The following PPP1R1C variants were observed in gnomAD, a reference collection of about 807,000 sequenced individuals.
The protein encoded by PPP1R1C is protein phosphatase 1 regulatory subunit 1C.
PPP1R1C carries 15 observed loss-of-function variants against 17.4 expected under a neutral mutation model. The ratio of observed to expected loss-of-function variants is 0.86; its 90% CI spans 0.58 to 1.33. The LOEUF is 1.33. Ranked by LOEUF, PPP1R1C falls within the 40% of genes most tolerant of loss-of-function variation. PPP1R1C has a pLI of 0.00. For synonymous variants in PPP1R1C, 35 were observed against 43.1 expected (o/e 0.81, Z 0.73); for missense variants, 143 against 130.0 (o/e 1.10, Z -0.48).
chr2:182,009,570 G>A (rs1210778447), intron 2 of PPP1R1C, among the ~76,000 whole-genome samples: 3 of 152,026 alleles, frequency 2.0e-5, no homozygotes, highest in African/African-American at 7.2e-5. Flanking sequence ...CTCCCATTCG[G>A]TGGGGGTGTC....
intron 4 of PPP1R1C, among the ~76,000 whole-genome samples, chr2:182,105,197 A>C (rs536032787): frequency 6.6e-6 from 1 of 152,168 alleles, no homozygotes; most frequent in Non-Finnish European, 1.5e-5. Context: ...TTGCTTTACT[A>C]TGTAAAATCA....
intron 4 of PPP1R1C, among the ~76,000 whole-genome samples, chr2:182,092,745 A>G (rs1688818331): frequency 6.6e-6 from 1 of 152,208 alleles, no homozygotes; most frequent in South Asian, 2.1e-4. Context: ...TTAAAGCTCC[A>G]AAGTGATCTC....
chr2:182,059,537 T>G (rs16822458), intron 2 of PPP1R1C, among the ~76,000 whole-genome samples: 7,017 of 152,166 alleles, frequency 0.046, 547 homozygotes, highest in African/African-American at 0.16. Context: ...ATGTTTTTGT[T>G]TAAAGAGCTG....
Position 181,961,677 on chromosome 2 carries a change from G to T in PPP1R1C, n.111+7043G>T. On this transcript the variant is annotated intron_variant and non_coding_transcript_variant, in intron 1 of 5. Transcript: ENST00000464264. This position sits in a 1 kb window ranked among gnomAD's most constrained non-coding sequence, Gnocchi z 5.8. ...TCTCAATCTGCTGAGACCAGCACTT[G>T]TCCAGCTCCTCTCAGTTCTTTCGAG... is the stretch of plus-strand genomic sequence containing the variant. The T allele has an allele frequency of 7.9e-6, 6 of 764,326 alleles. No individual in the cohort carries two copies. In the South Asian group the frequency reaches 8.3e-5, roughly 11 times the overall value. The allele number at this position is 764,326 out of a possible 1,614,324, so 47.3% of individuals were successfully genotyped here. A position where few individuals can be genotyped will look rare whatever the true frequency, so the allele number is the denominator to read the frequency against.
chr2:182,081,309 G>A lies in PPP1R1C; in HGVS notation c.241+17518G>A, dbSNP rs569067067. ...ACACAGTAAGCATTCAACAAATAGC[G>A]GCTATCAGTATTGTATAATTTTTTT... On this transcript the variant is annotated intron_variant, in intron 4 of 4. Transcript: ENST00000682840. Among the ~76,000 whole-genome samples the A allele has an allele frequency of 5.3e-5, 8 of 152,246 alleles. 1 individual carries two copies. The South Asian group carries it at 1.7e-3, about 32-fold the overall frequency.
intron 2 of PPP1R1C, among the ~76,000 whole-genome samples, chr2:181,977,566 C>T (rs989753700): frequency 6.6e-6 from 1 of 152,022 alleles, no homozygotes; most frequent in African/African-American, 2.4e-5. Flanking sequence ...CAAGACAGAC[C>T]ACTCTTCTGT....
chr2:182,089,924 A>T (rs1048942293), intron 4 of PPP1R1C, among the ~76,000 whole-genome samples: 1 of 152,044 alleles, frequency 6.6e-6, no homozygotes, highest in African/African-American at 2.4e-5. Context: ...TTTTACAGCA[A>T]TTTTAATATA....
chr2:182,010,279 G>A (rs1686051971), intron 2 of PPP1R1C, among the ~76,000 whole-genome samples: 1 of 151,574 alleles, frequency 6.6e-6, no homozygotes, highest in Non-Finnish European at 1.5e-5. Flanking sequence ...GCATTTTTTT[G>A]TGTCCTTTTC....
In PPP1R1C at chr2:181,957,356, T is replaced by G. The variant is rs1476527563; in HGVS notation, n.111+2722T>G. Among the ~76,000 whole-genome samples, 2 of 151,940 alleles carry G rather than the reference T, an allele frequency of 1.3e-5. No individual in the cohort carries two copies. The highest frequency in any genetic ancestry group is 2.9e-5 in the Non-Finnish European group (2 of 67,982). ...TGGGCGACAGAGTGAGACTCTGTCT[T>G]AAAAAGAGAAGAAAAAAATTGTGCT... is the stretch of plus-strand genomic sequence containing the variant. On this transcript the variant is annotated intron_variant and non_coding_transcript_variant, in intron 1 of 5. Transcript: ENST00000464264. This position sits in a 1 kb window ranked among gnomAD's most constrained non-coding sequence, Gnocchi z 4.2.
At chr2:182,035,080 G>T (rs1686961980) in intron 2 of PPP1R1C, among the ~76,000 whole-genome samples, 1 of 152,158 alleles carries the variant, frequency 6.6e-6, no homozygotes, top group Non-Finnish European at 1.5e-5. Flanking sequence ...CTTTGTGAGG[G>T]AATGGGAAGT....
intron 2 of PPP1R1C, among the ~76,000 whole-genome samples, chr2:181,997,647 A>G (rs1268598922): frequency 6.6e-6 from 1 of 152,226 alleles, no homozygotes; most frequent in East Asian, 1.9e-4. Context: ...AATAAATTGC[A>G]TGTATTGAAT....
chr2:182,116,441 G>A (rs545772440), intron 4 of PPP1R1C, among the ~76,000 whole-genome samples: 1 of 152,272 alleles, frequency 6.6e-6, no homozygotes, highest in South Asian at 2.1e-4. Flanking sequence ...ACACGAGAAG[G>A]GTGAGTGGGA....
At chr2:182,011,791 C>T (rs1157648232) in intron 2 of PPP1R1C, among the ~76,000 whole-genome samples, 3 of 151,884 alleles carry the variant, frequency 2.0e-5, no homozygotes, top group African/African-American at 7.2e-5. Context: ...TGCTGTATCC[C>T]ACAGGTTTTG....
intron 2 of PPP1R1C, among the ~76,000 whole-genome samples, chr2:182,055,389 G>T (rs962884518): frequency 3.5e-4 from 53 of 152,226 alleles, no homozygotes; most frequent in African/African-American, 1.2e-3. Flanking sequence ...TTCAAGAGAG[G>T]TAGCAAAATC....
downstream of PPP1R1C, among the ~76,000 whole-genome samples, chr2:182,121,331 TA>T (rs1243841900): frequency 7.4e-5 from 11 of 149,218 alleles, no homozygotes; most frequent in African/African-American, 2.7e-4. Flanking sequence ...ATAAAATACT[TA>T]GCCAAGCTTA....
chr2:181,957,958 A>T lies in PPP1R1C; in HGVS notation n.111+3324A>T, dbSNP rs917942038. The stretch of plus-strand genomic sequence containing the variant: ...GGAAGGCTTCGAAGGCTTAATTCCT[A>T]AGAGGGACTGAGTAATAATGAAAGT... On this transcript the variant is annotated intron_variant and non_coding_transcript_variant, in intron 1 of 5. Coordinates refer to the PPP1R1C transcript ENST00000464264. The surrounding 1 kb of genome is among the most constrained non-coding windows in gnomAD (Gnocchi z 4.2). 6.6e-6 allele frequency among the ~76,000 whole-genome samples: 1 copy of T among 152,208 alleles called. No homozygotes were observed. Among genetic ancestry groups the T allele is most frequent in the Non-Finnish European group, 1.5e-5 (1 of 68,048 alleles).
intron 2 of PPP1R1C, among the ~76,000 whole-genome samples, chr2:182,046,278 G>T (rs2125183917): frequency 6.6e-6 from 1 of 152,102 alleles, no homozygotes; most frequent in Non-Finnish European, 1.5e-5. Flanking sequence ...CCTACATAAT[G>T]CAACTTTGTA....
At chr2:182,091,645 C>T (rs1688784769) in intron 4 of PPP1R1C, among the ~76,000 whole-genome samples, 1 of 151,898 alleles carries the variant, frequency 6.6e-6, no homozygotes, top group South Asian at 2.1e-4. Context: ...TCTACAAAAC[C>T]CTGAGGAGAC....
intron 2 of PPP1R1C, among the ~76,000 whole-genome samples, chr2:182,057,760 A>G (rs1297086216): frequency 6.6e-6 from 1 of 152,090 alleles, no homozygotes; most frequent in East Asian, 1.9e-4. Context: ...ACACTTTTAA[A>G]TGATATTTTC....
Sources: gnomAD v4.1 joint callset for allele counts (sites outside exome capture counted in the v4.1 genomes callset) on GRCh38, gnomAD v4.1.1 for gene constraint, Gnocchi (gnomAD v3.1) non-coding constraint, MANE v1.5 for transcripts, NCBI Gene and HGNC (gene_info 2026-07-23, HGNC 2026-07-21) for gene names.